Variants in RBFOX1 observed in about 807,000 individuals in gnomAD.
RBFOX1 encodes the protein RNA binding protein fox-1 homolog 1.
A neutral mutation model predicts 57.7 loss-of-function variants in RBFOX1; 8 were observed. The ratio of observed to expected loss-of-function variants is 0.14; its 90% CI spans 0.08 to 0.25. RBFOX1 has a LOEUF of 0.25. Among genes scored for constraint, RBFOX1 ranks in the 10% least tolerant of loss-of-function variants. The pLI is 1.00. For synonymous variants in RBFOX1, 326 were observed against 222.4 expected (o/e 1.47, Z -4.15); for missense variants, 611 against 548.5 (o/e 1.11, Z -1.14).
intron 2 of RBFOX1, among the ~76,000 whole-genome samples, chr16:6,475,938 C>G (rs57351263): frequency 0.019 from 2,843 of 152,158 alleles, 80 homozygotes; most frequent in African/African-American, 0.062. Context: ...GGCTTAACGT[C>G]TTTTTTTCCC....
chr16:6,859,417 A>T (rs529343747), intron 3 of RBFOX1, among the ~76,000 whole-genome samples: 11 of 151,874 alleles, frequency 7.2e-5, no homozygotes, highest in African/African-American at 2.4e-4. Context: ...ATCATAATTG[A>T]TTTTACTTGT....
At chr16:7,014,315 C>G (rs1048707747) in intron 3 of RBFOX1, among the ~76,000 whole-genome samples, 1 of 152,144 alleles carries the variant, frequency 6.6e-6, no homozygotes, top group Admixed American at 6.5e-5. Context: ...TGGGTTCAAG[C>G]AATCCTCCCA....
chr16:7,258,466 CCTCT>C (rs201490907), intron 4 of RBFOX1, among the ~76,000 whole-genome samples: 37 of 150,708 alleles, frequency 2.5e-4, no homozygotes, highest in South Asian at 8.4e-4. Context: ...TCTCCTAAAC[CCTCT>C]CTCTCTCTCT....
chr16:6,010,057 G>T (rs2094952339), intron 4 of RBFOX1, among the ~76,000 whole-genome samples: 1 of 152,106 alleles, frequency 6.6e-6, no homozygotes, highest in Non-Finnish European at 1.5e-5. Context: ...CGTGGCTGCT[G>T]CAGGAAAGCT....
At chr16:6,795,361 A>T (rs1365599430) in intron 3 of RBFOX1, among the ~76,000 whole-genome samples, 1 of 152,152 alleles carries the variant, frequency 6.6e-6, no homozygotes, top group Admixed American at 6.5e-5. Context: ...ATTTCACCCG[A>T]GTCCACAACA....
At chr16:6,905,035 C>G (rs1325772607) in intron 3 of RBFOX1, among the ~76,000 whole-genome samples, 1 of 152,118 alleles carries the variant, frequency 6.6e-6, no homozygotes, top group East Asian at 1.9e-4. Context: ...AGGAATTTTT[C>G]AAGTTGTACA....
At chr16:7,038,949 A>C (rs1316736730) in intron 3 of RBFOX1, among the ~76,000 whole-genome samples, 1 of 152,182 alleles carries the variant, frequency 6.6e-6, no homozygotes, top group Non-Finnish European at 1.5e-5. Context: ...CTTTAATCAG[A>C]TAACCAACAC....
intron 1 of RBFOX1, among the ~76,000 whole-genome samples, chr16:6,230,043 T>G (rs1368090382): frequency 1.3e-5 from 2 of 152,200 alleles, no homozygotes; most frequent in Non-Finnish European, 2.9e-5. Context: ...AAGTCAAGAC[T>G]ACACTTACAT....
chr16:6,427,028 T>G (rs2093948647), intron 2 of RBFOX1, among the ~76,000 whole-genome samples: 2 of 152,190 alleles, frequency 1.3e-5, no homozygotes, highest in South Asian at 2.1e-4. Context: ...TGAACTCCTG[T>G]GTGTCTAGTT....
intron 4 of RBFOX1, among the ~76,000 whole-genome samples, chr16:7,169,633 C>T (rs1480734867): frequency 1.3e-5 from 2 of 152,198 alleles, no homozygotes; most frequent in Non-Finnish European, 2.9e-5. Flanking sequence ...AGTGAAGAAA[C>T]AGAAATTCAG....
At position 5,925,850 on chromosome 16, in the gene RBFOX1, C is replaced by T. The variant is rs936585086; in HGVS notation, c.351+58515C>T. On this transcript the variant is annotated intron_variant, in intron 4 of 19. Transcript: ENST00000641259. ...AACCTCCAAATAACTACCTGGGCCC[C>T]TCTCAGCACTGCTACCTTGGGCAGT... Among the ~76,000 whole-genome samples, 13 of 152,198 alleles carry T rather than the reference C, an allele frequency of 8.5e-5. 1 individual carries two copies. Among genetic ancestry groups the T allele is most frequent in the Non-Finnish European group, 1.5e-4 (10 of 68,036 alleles).
At chr16:6,689,201 C>T (rs1275349862) in intron 3 of RBFOX1, among the ~76,000 whole-genome samples, 1 of 152,008 alleles carries the variant, frequency 6.6e-6, no homozygotes, top group African/African-American at 2.4e-5. Context: ...GAGAGCTTAT[C>T]CTCTAAGGCT....
intron 1 of RBFOX1, among the ~76,000 whole-genome samples, chr16:6,199,519 A>T (rs1298714495): frequency 6.6e-6 from 1 of 152,202 alleles, no homozygotes; most frequent in Non-Finnish European, 1.5e-5. Context: ...ATCCTGAGTG[A>T]CTAAAATGGT....
chr16:6,978,328 G>A (rs1374405246), intron 3 of RBFOX1, among the ~76,000 whole-genome samples: 1 of 152,114 alleles, frequency 6.6e-6, no homozygotes, highest in African/African-American at 2.4e-5. Context: ...CTTTTATCCC[G>A]GTGCTCTATT....
chr16:7,079,446 C>G (rs1194435973), intron 4 of RBFOX1, among the ~76,000 whole-genome samples: 1 of 152,186 alleles, frequency 6.6e-6, no homozygotes, highest in Non-Finnish European at 1.5e-5. Context: ...ACACTGTGTA[C>G]CTGCATTTTG....
At chr16:7,221,367 T>TTTATTTATTTATTTA in intron 4 of RBFOX1, among the ~76,000 whole-genome samples, 2 of 109,614 alleles carry the variant, frequency 1.8e-5, no homozygotes, top group Non-Finnish European at 3.9e-5. Context: ...TTATTTATTT[T>TTTATTTATTTATTTA]TTTATTTATT....
chr16:5,967,716 C>T (rs1296530185), intron 4 of RBFOX1, among the ~76,000 whole-genome samples: 2 of 152,104 alleles, frequency 1.3e-5, no homozygotes, highest in East Asian at 1.9e-4. Context: ...TTGTAAAGGA[C>T]ACAGGATGTT....
In RBFOX1 at chr16:7,403,509, T is replaced by A. The variant is rs963037850; in HGVS notation, c.28-114638T>A. On this transcript the variant is annotated intron_variant, in intron 4 of 15. Coordinates refer to ENST00000550418, the MANE Select transcript of RBFOX1 (RefSeq NM_018723.4). ...GTTTGTCTTTCTGTGTCTGGTTTAT[T>A]TTCTCTAGCATAATGTCCTCCAGGT... Among the ~76,000 whole-genome samples the A allele has an allele frequency of 2.0e-5, 3 of 152,084 alleles. No individual in the cohort carries two copies. In the South Asian group the frequency reaches 6.2e-4, roughly 32 times the overall value.
intron 3 of RBFOX1, among the ~76,000 whole-genome samples, chr16:6,818,434 GAAAA>G (rs201101880): frequency 6.7e-6 from 1 of 148,862 alleles, no homozygotes; most frequent in South Asian, 2.1e-4. Context: ...TGGCCAAAAA[GAAAA>G]AAAAAATATT....
Sources: allele counts gnomAD v4.1 joint callset (sites outside exome capture counted in the v4.1 genomes callset), GRCh38; gene constraint gnomAD v4.1.1; transcripts MANE v1.5; gene names NCBI Gene and HGNC (gene_info 2026-07-23, HGNC 2026-07-21).